Variants in MAGI2 observed in about 807,000 individuals in gnomAD.
MAGI2 encodes membrane-associated guanylate kinase, WW and PDZ domain-containing protein 2.
In MAGI2, 35 loss-of-function variants were observed where a neutral mutation model predicts 133.3. That is an observed-to-expected ratio of 0.26 (90% confidence interval 0.20 to 0.35). The LOEUF (loss-of-function observed/expected upper bound fraction) is 0.35. Ranked by LOEUF, MAGI2 falls within the 10% of genes least tolerant of loss-of-function variation. MAGI2 has a pLI of 1.00. For synonymous variants in MAGI2, 729 were observed against 710.6 expected, an observed-to-expected ratio of 1.03 and a Z score of -0.41; for missense variants, 1,636 against 1,863.4, an observed-to-expected ratio of 0.88 and a Z score of 2.25.
chr7:78,751,592 C>T (rs1823466269), intron 2 of MAGI2, among the ~76,000 whole-genome samples: 1 of 152,160 alleles, frequency 6.6e-6, no homozygotes, highest in Non-Finnish European at 1.5e-5. Context: ...AGATTGCCCA[C>T]CTTAGGAACA....
intron 2 of MAGI2, among the ~76,000 whole-genome samples, chr7:78,836,977 A>G (rs539822388): frequency 6.6e-6 from 1 of 152,214 alleles, no homozygotes; most frequent in Non-Finnish European, 1.5e-5. Flanking sequence ...AATAACTAGA[A>G]TTCTTGCTGT....
At chr7:79,066,361 G>A (rs1294597654) in intron 1 of MAGI2, among the ~76,000 whole-genome samples, 2 of 148,718 alleles carry the variant, frequency 1.3e-5, no homozygotes, top group Non-Finnish European at 3.0e-5. Context: ...CTGCATAAAT[G>A]TCTTCTTTTG....
intron 1 of MAGI2, among the ~76,000 whole-genome samples, chr7:79,290,468 TAC>T (rs1836383951): frequency 1.3e-5 from 2 of 152,152 alleles, no homozygotes; most frequent in South Asian, 4.1e-4. Context: ...TGCTACAAAT[TAC>T]AGTTTTCTCA....
intron 6 of MAGI2, among the ~76,000 whole-genome samples, chr7:78,443,712 G>T (rs568785013): frequency 1.3e-5 from 2 of 151,954 alleles, no homozygotes; most frequent in Non-Finnish European, 2.9e-5. Flanking sequence ...TAAAACATCC[G>T]ATAATTTTCT....
At chr7:79,236,631 T>A (rs747215635) in intron 1 of MAGI2, among the ~76,000 whole-genome samples, 3 of 152,214 alleles carry the variant, frequency 2.0e-5, no homozygotes, top group Non-Finnish European at 4.4e-5. Context: ...AAAATGAAAC[T>A]ATCGAACTAG....
At chr7:78,633,500 T>C (rs1046882865) in intron 2 of MAGI2, among the ~76,000 whole-genome samples, 1 of 151,830 alleles carries the variant, frequency 6.6e-6, no homozygotes, top group African/African-American at 2.4e-5. Flanking sequence ...GGTCAGGAGA[T>C]CAAGACTATC....
chr7:79,077,592 A>AAT (rs1554351967), intron 1 of MAGI2, among the ~76,000 whole-genome samples: 21 of 126,984 alleles, frequency 1.7e-4, no homozygotes, highest in East Asian at 5.1e-4. Flanking sequence ...AAAAAAAAAA[A>AAT]AAATAAATAA....
intron 1 of MAGI2, among the ~76,000 whole-genome samples, chr7:79,284,279 C>A (rs1036754308): frequency 6.6e-6 from 1 of 152,050 alleles, no homozygotes; most frequent in African/African-American, 2.4e-5. Context: ...TAGCTGGAAT[C>A]TTCAGAGCCC....
At position 79,453,288 on chromosome 7, in the gene MAGI2, C is replaced by T. The variant is rs1554489546; in HGVS notation, c.33G>A (p.Trp11Ter). The change falls in exon 1 of 22, where the codon TGG becomes TGA. Residue 11 changes from tryptophan (W) to a stop codon, truncating the protein, a stop_gained. Coordinates refer to ENST00000354212, the MANE Select transcript of MAGI2 (RefSeq NM_012301.4). LOFTEE classifies it high-confidence loss of function. ...TGACACTCTCATGGACTTTGCTAGT[C>T]CAGTGGCTTTTCTTTTTCAAGCTTT... is the stretch of plus-strand genomic sequence containing the variant. MSKSLKKKSH[W>*]TSKVHESVIG... is the part of the protein sequence containing the mutation. 6.2e-7 allele frequency: 1 copy of T among 1,612,820 alleles called. No homozygotes were observed. The highest frequency in any genetic ancestry group is 8.5e-7 in the Non-Finnish European group (1 of 1,179,410).
intron 2 of MAGI2, among the ~76,000 whole-genome samples, chr7:78,757,152 C>T (rs1205557502): frequency 6.6e-6 from 1 of 152,138 alleles, no homozygotes; most frequent in Non-Finnish European, 1.5e-5. Context: ...CTTGTTTGCC[C>T]ATAAGTGCAA....
At chr7:78,627,684 A>G (rs1339690229) in intron 2 of MAGI2, among the ~76,000 whole-genome samples, 1 of 152,096 alleles carries the variant, frequency 6.6e-6, no homozygotes, top group Non-Finnish European at 1.5e-5. Context: ...TTATCTTTTT[A>G]ATTTCATAAT....
At chr7:78,496,644 C>T (rs7803166) in intron 5 of MAGI2, among the ~76,000 whole-genome samples, 30,347 of 152,044 alleles carry the variant, frequency 0.2, 4,743 homozygotes, top group African/African-American at 0.44. Context: ...GGGAATGACT[C>T]TGTAGAGTGA....
chr7:78,938,191 C>G (rs1800669612), intron 2 of MAGI2, among the ~76,000 whole-genome samples: 1 of 151,456 alleles, frequency 6.6e-6, no homozygotes, highest in Non-Finnish European at 1.5e-5. Flanking sequence ...TAGACTTGTA[C>G]AAAGGAAAAA....
intron 2 of MAGI2, among the ~76,000 whole-genome samples, chr7:78,635,462 T>G (rs1393733354): frequency 6.6e-6 from 1 of 152,242 alleles, no homozygotes; most frequent in African/African-American, 2.4e-5. Flanking sequence ...TGATCTATTC[T>G]GATATATTAA....
At chr7:78,383,008 C>T (rs1795065856) in intron 6 of MAGI2, among the ~76,000 whole-genome samples, 1 of 152,032 alleles carries the variant, frequency 6.6e-6, no homozygotes, top group Non-Finnish European at 1.5e-5. Context: ...ATCAGTTCAT[C>T]TGTTAATGAA....
At chr7:79,076,517 C>T (rs1388739807) in intron 1 of MAGI2, among the ~76,000 whole-genome samples, 1 of 152,104 alleles carries the variant, frequency 6.6e-6, no homozygotes, top group Non-Finnish European at 1.5e-5. Flanking sequence ...AACAATGACA[C>T]ACAGAGGATT....
At chr7:78,091,483 CACAA>C (rs1280558945) in intron 20 of MAGI2, among the ~76,000 whole-genome samples, 2 of 152,162 alleles carry the variant, frequency 1.3e-5, no homozygotes, top group Non-Finnish European at 2.9e-5. Context: ...GTTATGGTAG[CACAA>C]ACAGACTAAG....
chr7:78,522,466 C>T (rs2150588991), intron 3 of MAGI2, among the ~76,000 whole-genome samples: 1 of 152,240 alleles, frequency 6.6e-6, no homozygotes, highest in South Asian at 2.1e-4. Context: ...GATACCTCCG[C>T]CTCCTAGGTT....
At chr7:79,076,020 T>C (rs537630988) in intron 1 of MAGI2, among the ~76,000 whole-genome samples, 1 of 152,286 alleles carries the variant, frequency 6.6e-6, no homozygotes, top group East Asian at 1.9e-4. Context: ...TGGCTAAAGA[T>C]TTTATTTAGC....
Sources: allele counts gnomAD v4.1 joint callset (sites outside exome capture counted in the v4.1 genomes callset), GRCh38; gene constraint gnomAD v4.1.1; transcripts MANE v1.5; gene names NCBI Gene and HGNC (gene_info 2026-07-23, HGNC 2026-07-21).